The following ZBTB20 variants were observed in gnomAD, a reference collection of about 807,000 sequenced individuals.
ZBTB20 encodes zinc finger and BTB domain-containing protein 20.
A neutral mutation model predicts 56.9 loss-of-function variants in ZBTB20; 9 were observed. The ratio of observed to expected loss-of-function variants is 0.16; its 90% CI spans 0.10 to 0.28. The LOEUF (loss-of-function observed/expected upper bound fraction) is 0.28, where lower values mean the gene tolerates loss of function less well. ZBTB20 is among the 10% of genes least tolerant of loss of function. The pLI is 1.00. For synonymous variants in ZBTB20, 417 were observed against 420.7 expected, an observed-to-expected ratio of 0.99 and a Z score of 0.11; for missense variants, 655 against 1,003.0, an observed-to-expected ratio of 0.65 and a Z score of 4.69.
chr3:115,034,316 C>T (rs1237752939), intron 2 of ZBTB20, among the ~76,000 whole-genome samples: 2 of 151,472 alleles, frequency 1.3e-5, no homozygotes, highest in Admixed American at 1.3e-4. Context: ...CATATGATCT[C>T]ATATGTAAAA....
chr3:114,394,123 A>G (rs545910411), intron 7 of ZBTB20, among the ~76,000 whole-genome samples: 1 of 152,324 alleles, frequency 6.6e-6, no homozygotes, highest in East Asian at 1.9e-4. Flanking sequence ...TTGGATGTCT[A>G]AATTTTATCA....
chr3:114,560,221 T>A (rs374948150), intron 6 of ZBTB20, among the ~76,000 whole-genome samples: 2 of 152,100 alleles, frequency 1.3e-5, no homozygotes, highest in East Asian at 1.9e-4. Flanking sequence ...CTACAGTAAG[T>A]AAGAATATTA....
At chr3:114,659,954 T>C (rs536003823) in intron 6 of ZBTB20, among the ~76,000 whole-genome samples, 1 of 152,208 alleles carries the variant, frequency 6.6e-6, no homozygotes, top group African/African-American at 2.4e-5. Context: ...AGGGAAATGA[T>C]TCTCTTTGTC....
chr3:114,425,084 ATACT>A (rs1317464705), intron 7 of ZBTB20, among the ~76,000 whole-genome samples: 2 of 149,580 alleles, frequency 1.3e-5, no homozygotes, highest in African/African-American at 5.1e-5. Context: ...CGTGATTCTG[ATACT>A]TAGTAGGCAA....
At chr3:114,927,646 C>G (rs1412678155) in intron 3 of ZBTB20, among the ~76,000 whole-genome samples, 2 of 152,156 alleles carry the variant, frequency 1.3e-5, no homozygotes, top group Admixed American at 6.5e-5. Flanking sequence ...GATTGAAGAA[C>G]TCTCTCAAGA....
In ZBTB20 at chr3:115,008,541, A is replaced by G. The variant is rs533320051; in HGVS notation, c.-506-34125T>C. Among the ~76,000 whole-genome samples the G allele has an allele frequency of 3.3e-5, 5 of 152,108 alleles. No homozygotes were observed. The South Asian group carries it at 8.3e-4, about 25-fold the overall frequency. On this transcript the variant is annotated intron_variant, in intron 2 of 11. Transcript: ENST00000675478. ...TCGTGAACAATGTTTGAGAGATAGA[A>G]GGATCATTCAATAATCTAAAAATTC...
Position 114,854,223 on chromosome 3 carries a change from T to C in ZBTB20, c.-417+46081A>G, listed in dbSNP as rs182255604. On this transcript the variant is annotated intron_variant, in intron 4 of 11. Transcript: ENST00000675478. ...TCTGTGAGTGGAAAATGACATAATA[T>C]GTGTCAAAATACTTTGTATACTAAC... 3.2e-3 allele frequency among the ~76,000 whole-genome samples: 487 copies of C among 152,278 alleles called. 3 individuals are homozygous for C. The highest frequency in any genetic ancestry group is 0.011 in the African/African-American group (459 of 41,570).
chr3:114,740,230 TA>T (rs1429948716), intron 5 of ZBTB20, among the ~76,000 whole-genome samples: 1 of 152,248 alleles, frequency 6.6e-6, no homozygotes, highest in African/African-American at 2.4e-5. Context: ...GCTATTTGGT[TA>T]ACTGTATTTC....
At chr3:114,500,192 A>G (rs2043782879) in intron 7 of ZBTB20, among the ~76,000 whole-genome samples, 160 bp downstream of exon 7, 1 of 152,220 alleles carries the variant, frequency 6.6e-6, no homozygotes, top group Admixed American at 6.5e-5. Flanking sequence ...ACTTAGTATT[A>G]CCACCAACAG....
intron 1 of ZBTB20, among the ~76,000 whole-genome samples, chr3:115,083,869 T>C (rs1189169347): frequency 1.3e-5 from 2 of 151,912 alleles, no homozygotes; most frequent in African/African-American, 4.8e-5. Context: ...ATTTTTGAAA[T>C]AGCATTAAAA....
chr3:114,680,838 G>A (rs146428747), intron 6 of ZBTB20, among the ~76,000 whole-genome samples: 1,589 of 152,224 alleles, frequency 0.01, 12 homozygotes, highest in Admixed American at 0.021. Context: ...AGAAAGCCAA[G>A]AAATATACCA....
At chr3:114,712,256 T>C (rs546073992) in intron 5 of ZBTB20, among the ~76,000 whole-genome samples, 10 of 152,304 alleles carry the variant, frequency 6.6e-5, no homozygotes, top group Admixed American at 6.5e-4. Context: ...TTCCACAGTA[T>C]ACATGATCAA....
chr3:115,059,257 T>G (rs1467149425), intron 2 of ZBTB20, among the ~76,000 whole-genome samples: 1 of 152,224 alleles, frequency 6.6e-6, no homozygotes, highest in Non-Finnish European at 1.5e-5. Context: ...CATAAACTTT[T>G]TGTTGTTGAC....
At chr3:114,764,155 T>C (rs1271626152) in intron 5 of ZBTB20, among the ~76,000 whole-genome samples, 2 of 152,012 alleles carry the variant, frequency 1.3e-5, no homozygotes, top group African/African-American at 4.8e-5. Flanking sequence ...TGCATGAGCT[T>C]TCAGAGCCAG....
intron 2 of ZBTB20, among the ~76,000 whole-genome samples, chr3:115,052,270 A>C (rs1199817841): frequency 6.6e-6 from 1 of 152,120 alleles, no homozygotes; most frequent in Non-Finnish European, 1.5e-5. Context: ...AATCCTGGAC[A>C]ACATGGTGAA....
intron 5 of ZBTB20, among the ~76,000 whole-genome samples, chr3:114,735,635 T>C (rs1011561591): frequency 2.0e-5 from 3 of 152,172 alleles, no homozygotes; most frequent in South Asian, 2.1e-4. Flanking sequence ...GAATTTAATA[T>C]ATTAGTTTAA....
chr3:114,693,751 G>T (rs1242884558), intron 5 of ZBTB20, among the ~76,000 whole-genome samples, 176 bp from the exon 6 acceptor site: 3 of 152,094 alleles, frequency 2.0e-5, no homozygotes, highest in Admixed American at 2.0e-4. Context: ...TGTGCACTAA[G>T]AAAGTATCTT....
chr3:114,934,695 T>C (rs1028763161), intron 3 of ZBTB20, among the ~76,000 whole-genome samples: 1 of 152,194 alleles, frequency 6.6e-6, no homozygotes, highest in Non-Finnish European at 1.5e-5. Context: ...ACTGAGTCTC[T>C]TCTAAATTTG....
Position 115,061,030 on chromosome 3 carries a change from A to T in ZBTB20, c.-507+10189T>A, listed in dbSNP as rs1046058129. 9.2e-5 allele frequency among the ~76,000 whole-genome samples: 14 copies of T among 152,178 alleles called. No homozygotes were observed. The East Asian group carries it at 2.3e-3, about 25-fold the overall frequency. Reference sequence around the variant, plus strand: ...ATCTTCCGATTCTCCAAATATGATCATTTCTGGAAGTTATGATGTTCAGTC... The same window carrying T: ...ATCTTCCGATTCTCCAAATATGATCTTTTCTGGAAGTTATGATGTTCAGTC... On this transcript the variant is annotated intron_variant, in intron 2 of 11. Transcript: ENST00000675478.
Sources: gnomAD v4.1 joint callset for allele counts (sites outside exome capture counted in the v4.1 genomes callset) on GRCh38, gnomAD v4.1.1 for gene constraint, MANE v1.5 for transcripts, NCBI Gene and HGNC (gene_info 2026-07-23, HGNC 2026-07-21) for gene names.